Variants in MCTP2 observed in about 807,000 individuals in gnomAD.
The protein encoded by MCTP2 is multiple C2 and transmembrane domain containing 2.
A neutral mutation model predicts 111.6 loss-of-function variants in MCTP2; 132 were observed. That is an observed-to-expected ratio of 1.18 (90% CI 1.03 to 1.37). The LOEUF (loss-of-function observed/expected upper bound fraction) is 1.37, where lower values mean the gene tolerates loss of function less well. MCTP2 is among the 40% of genes most tolerant of loss of function. The pLI, the probability that MCTP2 is intolerant of heterozygous loss-of-function variation, is 0.00. For synonymous variants in MCTP2, 395 were observed against 387.7 expected, an observed-to-expected ratio of 1.02 and a Z score of -0.22; for missense variants, 1,183 against 1,067.9, an observed-to-expected ratio of 1.11 and a Z score of -1.50.
intron 1 of MCTP2, among the ~76,000 whole-genome samples, chr15:94,275,689 C>A (rs1487587015): frequency 2.0e-5 from 3 of 151,940 alleles, no homozygotes; most frequent in African/African-American, 7.3e-5. Context: ...AAACATGGAA[C>A]CTTTGTTAAA....
chr15:94,474,912 C>T (rs1299907876), intron 21 of MCTP2, among the ~76,000 whole-genome samples: 1 of 151,504 alleles, frequency 6.6e-6, no homozygotes, highest in African/African-American at 2.4e-5. Flanking sequence ...TACTTTTGCC[C>T]TCATTGGTGC....
intron 12 of MCTP2, among the ~76,000 whole-genome samples, chr15:94,374,883 T>G (rs1455078244): frequency 6.6e-6 from 1 of 152,110 alleles, no homozygotes; most frequent in Non-Finnish European, 1.5e-5. Flanking sequence ...TGGGGGAGGA[T>G]ATGAAGTGAC....
At chr15:94,404,734 C>G (rs1529778) in intron 17 of MCTP2, among the ~76,000 whole-genome samples, 148,543 of 151,776 alleles carry the variant, frequency 0.98, 72,720 homozygotes, top group East Asian at 1. Flanking sequence ...ACTGGATTGG[C>G]GGGGCGGGTT....
chr15:94,232,821 C>T (rs1222518783), intron 1 of MCTP2, among the ~76,000 whole-genome samples: 1 of 152,182 alleles, frequency 6.6e-6, no homozygotes, highest in African/African-American at 2.4e-5. Context: ...CCTGATCAGT[C>T]ATTCCAAAGC....
At chr15:94,464,257 T>TTA (rs1555481313) in intron 20 of MCTP2, among the ~76,000 whole-genome samples, 1,654 of 44,912 alleles carry the variant, frequency 0.037, 145 homozygotes, top group African/African-American at 0.092. Context: ...TATATATATA[T>TTA]TATATATATA....
intron 4 of MCTP2, among the ~76,000 whole-genome samples, chr15:94,334,829 T>C (rs1341368671): frequency 6.6e-6 from 1 of 152,226 alleles, no homozygotes; most frequent in Non-Finnish European, 1.5e-5. Context: ...ATTACAGGCG[T>C]GAGCCACTGT....
chr15:94,439,024 A>G (rs1336870693), intron 17 of MCTP2, among the ~76,000 whole-genome samples: 1 of 152,204 alleles, frequency 6.6e-6, no homozygotes, highest in Non-Finnish European at 1.5e-5. Flanking sequence ...CCTCGCAGGA[A>G]TGAAATAAAC....
intron 17 of MCTP2, chr15:94,402,308 C>T: frequency 7.1e-6 from 7 of 985,054 alleles, no homozygotes; most frequent in Non-Finnish European, 8.4e-6. Flanking sequence ...TCTTTCTGTG[C>T]CAGTGACCGC....
chr15:94,365,496 G>A (rs1298554576), intron 10 of MCTP2, among the ~76,000 whole-genome samples: 1 of 152,132 alleles, frequency 6.6e-6, no homozygotes, highest in Non-Finnish European at 1.5e-5. Flanking sequence ...CTGGTATGTG[G>A]TTCAGCTTTT....
intron 1 of MCTP2, among the ~76,000 whole-genome samples, chr15:94,243,655 ACATATG>A: frequency 2.0e-5 from 3 of 148,170 alleles, no homozygotes; most frequent in African/African-American, 7.4e-5. Context: ...ATATGTATAC[ACATATG>A]CGTATATATA....
At chr15:94,420,445 TAAG>T (rs952935490) in intron 17 of MCTP2, among the ~76,000 whole-genome samples, 3 of 152,110 alleles carry the variant, frequency 2.0e-5, no homozygotes, top group Non-Finnish European at 4.4e-5. Context: ...CTGGACAAAA[TAAG>T]AACCTTCTTG....
chr15:94,412,020 G>A (rs1022423139), intron 17 of MCTP2, among the ~76,000 whole-genome samples: 2 of 152,182 alleles, frequency 1.3e-5, no homozygotes, highest in Non-Finnish European at 2.9e-5. Flanking sequence ...CCCCATTGGT[G>A]TTAGGCAAGA....
intron 3 of MCTP2, 22 bp downstream of exon 3, chr15:94,314,366 G>C: frequency 6.5e-7 from 1 of 1,539,436 alleles, no homozygotes; most frequent in Non-Finnish European, 8.9e-7. Context: ...TCCTTAAAAA[G>C]AAACATTAAA....
intron 17 of MCTP2, among the ~76,000 whole-genome samples, chr15:94,407,732 G>A (rs1331887663): frequency 6.6e-6 from 1 of 150,902 alleles, no homozygotes; most frequent in East Asian, 2.0e-4. Flanking sequence ...AAAAACAACA[G>A]TAGCAGTAAT....
chr15:94,305,817 A>G (rs2152346689), intron 2 of MCTP2, among the ~76,000 whole-genome samples: 1 of 152,306 alleles, frequency 6.6e-6, no homozygotes, highest in South Asian at 2.1e-4. Context: ...ATCAGATGAA[A>G]TGTGAAGAAG....
chr15:94,354,161 A>T (rs959752542), intron 8 of MCTP2, among the ~76,000 whole-genome samples: 1 of 152,146 alleles, frequency 6.6e-6, no homozygotes, highest in Non-Finnish European at 1.5e-5. Context: ...TCACCAGAGA[A>T]GAGGATAGTT....
chr15:94,400,775 G>T (rs1468225067), intron 16 of MCTP2, among the ~76,000 whole-genome samples: 1 of 151,968 alleles, frequency 6.6e-6, no homozygotes, highest in Non-Finnish European at 1.5e-5. Flanking sequence ...TTCCTTTGGG[G>T]TGAGCAGCTG....
chr15:94,476,432 G>T, intron 21 of MCTP2: 1 of 252,394 alleles, frequency 4.0e-6, no homozygotes, highest in Non-Finnish European at 7.6e-6. Context: ...ACCAGCCCCT[G>T]CTTCCTGCCT....
At chr15:94,292,089 A>G (rs537455689) in intron 1 of MCTP2, among the ~76,000 whole-genome samples, 56 of 152,372 alleles carry the variant, frequency 3.7e-4, no homozygotes, top group African/African-American at 1.3e-3. Context: ...GAAATAAATC[A>G]TAAAGACAAG....
Sources: gnomAD v4.1 joint callset for allele counts (sites outside exome capture counted in the v4.1 genomes callset) on GRCh38, gnomAD v4.1.1 for gene constraint, MANE v1.5 for transcripts, NCBI Gene and HGNC (gene_info 2026-07-23, HGNC 2026-07-21) for gene names.